Variants in AOX1 observed in about 807,000 individuals in gnomAD.
AOX1 encodes aldehyde oxidase.
A neutral mutation model predicts 169.5 loss-of-function variants in AOX1; 153 were observed. The ratio of observed to expected loss-of-function variants is 0.90; its 90% CI spans 0.79 to 1.03. The LOEUF (loss-of-function observed/expected upper bound fraction) is 1.03, where lower values mean the gene tolerates loss of function less well. Among genes scored for constraint, AOX1 ranks in the 50% least tolerant of loss-of-function variants. The pLI is 0.00. For synonymous variants in AOX1, 562 were observed against 581.9 expected, an observed-to-expected ratio of 0.97 and a Z score of 0.49; for missense variants, 1,656 against 1,663.9, an observed-to-expected ratio of 1.00 and a Z score of 0.08.
intron 13 of AOX1, 62 bp downstream of exon 13, chr2:200,611,555 A>G: frequency 9.3e-7 from 1 of 1,080,036 alleles, no homozygotes; most frequent in Non-Finnish European, 1.4e-6. Flanking sequence ...TGTTTATTCC[A>G]GTATATGGTG....
chr2:200,620,126 T>C (rs1205195790), intron 16 of AOX1, among the ~76,000 whole-genome samples: 1 of 151,672 alleles, frequency 6.6e-6, no homozygotes, highest in Non-Finnish European at 1.5e-5. Context: ...AAGAACAACA[T>C]CATGGATTGA....
chr2:200,600,701 A>G (rs2034396490), intron 5 of AOX1, among the ~76,000 whole-genome samples: 1 of 152,122 alleles, frequency 6.6e-6, no homozygotes, highest in Non-Finnish European at 1.5e-5. Flanking sequence ...GAAAGGAGAG[A>G]CATCGCTCAT....
intron 31 of AOX1, 126 bp downstream of exon 31, chr2:200,663,095 T>C (rs2035859619): frequency 1.5e-6 from 1 of 668,120 alleles, no homozygotes; most frequent in Admixed American, 2.6e-5. Context: ...GTGATTTCCC[T>C]GGATTACCAG....
rs949664556 is a variant in AOX1 at position 200,642,765 on chromosome 2, G to A, written c.2811G>A (p.Thr937=). The change falls in exon 25 of 35, where the codon ACG becomes ACA. Residue 937 remains threonine, a synonymous_variant. Transcript: ENST00000374700. ...QAALITESCI[T]EVAAKCGLSP... is the part of the protein sequence containing the mutation. ...CGCTGATCACCGAATCTTGTATCACGGAAGTTGCAGCCAAATGTGGACTAT... is the reference window on the plus strand; with the variant it reads ...CGCTGATCACCGAATCTTGTATCACAGAAGTTGCAGCCAAATGTGGACTAT... 9.9e-6 allele frequency: 16 copies of A among 1,613,746 alleles called. No individual in the cohort carries two copies. The highest frequency in any genetic ancestry group is 1.7e-5 in the Admixed American group (1 of 59,968).
At chr2:200,657,191 T>TATATATATATATATATATATATATTTTC (rs1491522418) in intron 27 of AOX1, among the ~76,000 whole-genome samples, 4 of 45,482 alleles carry the variant, frequency 8.8e-5, no homozygotes, top group African/African-American at 3.4e-4. Context: ...TATATATATA[T>TATATATATATATATATATATATATTTTC]TTTTTTTTTT....
chr2:200,620,753 T>C lies in AOX1; in HGVS notation c.1808T>C (p.Met603Thr), dbSNP rs748988582. 3 of 1,609,652 alleles carry C rather than the reference T, an allele frequency of 1.9e-6. No homozygotes were observed. The highest frequency in any genetic ancestry group is 2.5e-6 in the Non-Finnish European group (3 of 1,178,590). ...ATGEAIYCDD[M>T]PLVDQELFLT... is the part of the protein sequence containing the mutation. ...GGGGAGGCCATCTACTGTGATGACA[T>C]GCCTCTGGTGGACCAGGAACTTTTC... The change falls in exon 17 of 35, where the codon ATG becomes ACG. Residue 603 changes from methionine (M) to threonine (T), a missense_variant. Coordinates refer to ENST00000374700, the MANE Select transcript of AOX1 (RefSeq NM_001159.4).
chr2:200,590,276 A>G (rs2034141054), intron 1 of AOX1, among the ~76,000 whole-genome samples: 1 of 152,168 alleles, frequency 6.6e-6, no homozygotes, highest in African/African-American at 2.4e-5. Flanking sequence ...AACCAAGTAC[A>G]GCATGAACTT....
chr2:200,591,254 C>A (rs990150092), intron 1 of AOX1, among the ~76,000 whole-genome samples: 2 of 152,140 alleles, frequency 1.3e-5, no homozygotes, highest in African/African-American at 4.8e-5. Context: ...TGTACACACA[C>A]AAATAATTAT....
intron 10 of AOX1, 40 bp from the exon 11 acceptor site, chr2:200,608,944 A>G (rs780499300): frequency 6.3e-7 from 1 of 1,585,436 alleles, no homozygotes; most frequent in South Asian, 1.1e-5. Flanking sequence ...TCAGATCAGC[A>G]GTGATCGCAC....
At chr2:200,671,675 G>A (rs2036030357), downstream of AOX1, among the ~76,000 whole-genome samples, 1 of 152,130 alleles carries the variant, frequency 6.6e-6, no homozygotes, top group Non-Finnish European at 1.5e-5. Flanking sequence ...GGCTAGGATA[G>A]GGAAAAATGG....
At chr2:200,663,256 G>T (rs1574962847) in intron 31 of AOX1, among the ~76,000 whole-genome samples, 1 of 152,292 alleles carries the variant, frequency 6.6e-6, no homozygotes, top group East Asian at 1.9e-4. Flanking sequence ...GGGCTTTCAT[G>T]TAGACTATTG....
Position 200,669,653 on chromosome 2 carries a change from G to A in AOX1, c.3877G>A (p.Glu1293Lys). Residue 1293 changes from glutamate to lysine, a missense_variant, in exon 34 of 35, where the codon GAG becomes AAG. Glu to Lys is a moderately conservative substitution (Grantham distance 56). Coordinates refer to ENST00000374700, the MANE Select transcript of AOX1 (RefSeq NM_001159.4). ...IHDAVSAARQ[E>K]RGLHGPLTLN... ...TGACGCAGTGAGTGCAGCACGACAG[G>A]AGAGAGGCCTGCATGGACCCTTGAC... 6.2e-7 allele frequency: 1 copy of A among 1,614,010 alleles called. No individual in the cohort carries two copies. Among genetic ancestry groups the A allele is most frequent in the East Asian group, 2.2e-5 (1 of 44,880 alleles).
chr2:200,673,567 TC>T (rs1377986865), downstream of AOX1, among the ~76,000 whole-genome samples: 1 of 152,186 alleles, frequency 6.6e-6, no homozygotes, highest in Non-Finnish European at 1.5e-5. Context: ...AATAATCCCC[TC>T]CTGATTTCCC....
At position 200,599,684 on chromosome 2, in the gene AOX1, T is replaced by C; in HGVS notation, c.374T>C (p.Ile125Thr). The change falls in exon 5 of 35, where the codon ATC becomes ACC. Residue 125 changes from isoleucine (I) to threonine (T), a missense_variant. Physicochemically the swap from Ile to Thr is moderately conservative, Grantham distance 89. Coordinates refer to ENST00000374700, the MANE Select transcript of AOX1 (RefSeq NM_001159.4). ...TGCACACCTGGGATGGTGATGTCCA[T>C]CTACACGCTGCTCAGGAACCACCCA... ...GFCTPGMVMS[I>T]YTLLRNHPEP... The C allele has an allele frequency of 6.2e-7, 1 of 1,613,424 alleles. No individual in the cohort carries two copies. The highest frequency in any genetic ancestry group is 8.5e-7 in the Non-Finnish European group (1 of 1,179,536).
intron 22 of AOX1, among the ~76,000 whole-genome samples, chr2:200,637,798 A>C (rs2035266455): frequency 6.6e-6 from 1 of 152,192 alleles, no homozygotes; most frequent in African/African-American, 2.4e-5. Flanking sequence ...AATATGGGTC[A>C]GTTCCTCCAT....
rs549110437 is a variant in AOX1, at chr2:200,587,940, T to TA, written c.45+1788dup. On this transcript the variant is annotated intron_variant, in intron 1 of 34. Transcript: ENST00000374700. Reference sequence around the variant, plus strand: ...CCACTTATTTGTTAAGGGCCTACCGTATGCCAGTCAGTGTTCCAGGCTTAT... The same window carrying TA: ...CCACTTATTTGTTAAGGGCCTACCGTAATGCCAGTCAGTGTTCCAGGCTTAT... Among the ~76,000 whole-genome samples, 90 of 152,312 alleles carry TA rather than the reference T, an allele frequency of 5.9e-4. 1 individual carries two copies. Among genetic ancestry groups the TA allele is most frequent in the African/African-American group, 2.1e-3 (86 of 41,560 alleles).
chr2:200,602,218 C>G, intron 5 of AOX1, 66 bp from the exon 6 acceptor site: 1 of 1,343,814 alleles, frequency 7.4e-7, no homozygotes, highest in Non-Finnish European at 1.1e-6. Flanking sequence ...ATTTCCATCA[C>G]ACTCTTGGTA....
Position 200,638,208 on chromosome 2 carries a change from G to A in AOX1, c.2481-7G>A, listed in dbSNP as rs1368321378. ...AGGTTACCTCACTTACTTTTTTTCTGTTTTAGACATGGCCGTGCAGTTCGC... is the reference window on the plus strand; with the variant it reads ...AGGTTACCTCACTTACTTTTTTTCTATTTTAGACATGGCCGTGCAGTTCGC... On this transcript the variant is annotated splice_polypyrimidine_tract_variant and splice_region_variant and intron_variant, in intron 22 of 34. Transcript: ENST00000374700. The A allele has an allele frequency of 1.2e-6, 2 of 1,612,594 alleles. No homozygotes were observed. Among genetic ancestry groups the A allele is most frequent in the Non-Finnish European group, 8.5e-7 (1 of 1,179,152 alleles).
At chr2:200,637,813 G>A (rs1464757414) in intron 22 of AOX1, among the ~76,000 whole-genome samples, 1 of 152,082 alleles carries the variant, frequency 6.6e-6, no homozygotes, top group Non-Finnish European at 1.5e-5. Flanking sequence ...CTCCATCCCA[G>A]GAAGCAAAAA....
Sources: allele counts gnomAD v4.1 joint callset (sites outside exome capture counted in the v4.1 genomes callset), GRCh38; gene constraint gnomAD v4.1.1; transcripts MANE v1.5; gene names NCBI Gene and HGNC (gene_info 2026-07-23, HGNC 2026-07-21).